The following CD38 variants were observed in gnomAD, a reference collection of about 807,000 sequenced individuals.
CD38 encodes the protein CD38 molecule, also known as ADP-ribosyl cyclase/cyclic ADP-ribose hydrolase 1.
CD38 carries 31 observed loss-of-function variants against 36.3 expected under a neutral mutation model. The ratio of observed to expected loss-of-function variants is 0.85; its 90% CI spans 0.64 to 1.15. The LOEUF (loss-of-function observed/expected upper bound fraction) is 1.15. Among genes scored for constraint, CD38 ranks in the 50% most tolerant of loss-of-function variants. CD38 has a pLI of 0.00. For missense variants in CD38, 380 were observed against 371.9 expected, an observed-to-expected ratio of 1.02 and a Z score of -0.18; for synonymous variants, 131 against 135.2, an observed-to-expected ratio of 0.97 and a Z score of 0.22.
rs554082109 is a variant in CD38, at chr4:15,835,593, G to T, written c.585+1291G>T. Reference sequence around the variant, plus strand: ...GAGTTTCACCATGTTGGCCAGGCTGGTCTCAAACTCCTGACCTCAGGTGAT... The same window carrying T: ...GAGTTTCACCATGTTGGCCAGGCTGTTCTCAAACTCCTGACCTCAGGTGAT... On this transcript the variant is annotated intron_variant, in intron 4 of 7. Coordinates refer to ENST00000226279, the MANE Select transcript of CD38 (RefSeq NM_001775.4). Among the ~76,000 whole-genome samples the T allele has an allele frequency of 2.7e-5, 4 of 150,906 alleles. No individual in the cohort carries two copies. The South Asian group carries it at 8.4e-4, about 32-fold the overall frequency.
chr4:15,795,747 A>G (rs192620243), intron 1 of CD38, among the ~76,000 whole-genome samples: 19 of 152,154 alleles, frequency 1.2e-4, no homozygotes, highest in Non-Finnish European at 2.4e-4. Context: ...TCAGTTGTCT[A>G]CTCCCTGCTA....
chr4:15,790,901 G>C (rs1187926136), intron 1 of CD38, among the ~76,000 whole-genome samples: 4 of 149,686 alleles, frequency 2.7e-5, no homozygotes, highest in Non-Finnish European at 5.9e-5. Flanking sequence ...GTCTCTGCCC[G>C]GCCGCCCCGT....
At position 15,791,051 on chromosome 4, in the gene CD38, G is replaced by A. The variant is rs866053682; in HGVS notation, c.233+12404G>A. 1.5e-4 allele frequency among the ~76,000 whole-genome samples: 21 copies of A among 137,670 alleles called. 1 individual carries two copies. The highest frequency in any genetic ancestry group is 3.9e-3 in the Middle Eastern group (1 of 258). 90.3% of individuals were successfully genotyped at this position (137,670 alleles called of 152,430 possible). A position where few individuals can be genotyped will look rare whatever the true frequency, so the allele number is the denominator to read the frequency against. On this transcript the variant is annotated intron_variant, in intron 1 of 7. Coordinates refer to ENST00000226279, the MANE Select transcript of CD38 (RefSeq NM_001775.4). The stretch of plus-strand genomic sequence containing the variant: ...CCCCGTCCGGGAGGGAGGTGGGGGG[G>A]GGTCAGCCCCCCGCCCGGCCAGCTG...
At position 15,807,220 on chromosome 4, in the gene CD38, C is replaced by T. The variant is rs1577644877; in HGVS notation, c.234-9291C>T. Among the ~76,000 whole-genome samples, 4 of 152,204 alleles carry T rather than the reference C, an allele frequency of 2.6e-5. No homozygotes were observed. The South Asian group carries it at 8.3e-4, about 32-fold the overall frequency. ...AAAGGTTCAAGGAGACTGGCTTTTC[C>T]TGGATGCTGCCAGGAAGTAGTGGGA... On this transcript the variant is annotated intron_variant, in intron 1 of 7. Transcript: ENST00000226279.
At position 15,851,961 on chromosome 4, in the gene CD38, T is replaced by G. The variant is rs1724395673; in HGVS notation, c.*3359T>G. On this transcript the variant is annotated 3_prime_UTR_variant, in exon 8 of 8. Transcript: ENST00000226279. ...GTAAATGTTTGTGTATCTAAACATA[T>G]CTAAACATAGAAAAGGTACAGTAAA... 1 of 151,978 alleles carries G rather than the reference T, an allele frequency of 6.6e-6. No individual in the cohort carries two copies. The highest frequency in any genetic ancestry group is 1.5e-5 in the Non-Finnish European group (1 of 68,034). The allele number at this position is 151,978 out of a possible 1,614,324, so 9.4% of individuals were successfully genotyped here.
intron 1 of CD38, among the ~76,000 whole-genome samples, chr4:15,803,979 A>T (rs542540369): frequency 1.3e-5 from 2 of 152,270 alleles, no homozygotes; most frequent in African/African-American, 4.8e-5. Context: ...AAAATACATG[A>T]TTTCATTCTT....
intron 1 of CD38, among the ~76,000 whole-genome samples, chr4:15,790,195 C>CTCCACGGTCTCCT (rs1188143338): frequency 5.7e-5 from 8 of 140,314 alleles, no homozygotes; most frequent in East Asian, 2.3e-4. Flanking sequence ...CTCCCTCTCT[C>CTCCACGGTCTCCT]TCCACGGTCT....
At chr4:15,833,521 T>C (rs1266745025) in intron 3 of CD38, among the ~76,000 whole-genome samples, 1 of 152,236 alleles carries the variant, frequency 6.6e-6, no homozygotes, top group Non-Finnish European at 1.5e-5. Context: ...TTCTTTTTTA[T>C]TTGTGTGGTT....
chr4:15,794,558 T>G (rs938836244), intron 1 of CD38, among the ~76,000 whole-genome samples: 1 of 152,182 alleles, frequency 6.6e-6, no homozygotes, highest in Non-Finnish European at 1.5e-5. Flanking sequence ...GATTGGAAAT[T>G]GACCAATGGA....
intron 1 of CD38, among the ~76,000 whole-genome samples, chr4:15,805,102 G>A (rs181121710): frequency 1.1e-4 from 16 of 152,102 alleles, no homozygotes; most frequent in South Asian, 1.0e-3. Context: ...TTATTGACTC[G>A]TAGGAAGCTT....
In CD38 at chr4:15,780,534, A is replaced by ACACACACACACACACACG. The variant is rs1722671825; in HGVS notation, c.233+1904_233+1905insGCACACACACACACACAC. ...TTCTCTCTCTCACACACACACACAC[A>ACACACACACACACACACG]CACACACACACACACACACACACAC... On this transcript the variant is annotated intron_variant, in intron 1 of 7. Coordinates refer to ENST00000226279, the MANE Select transcript of CD38 (RefSeq NM_001775.4). Among the ~76,000 whole-genome samples the ACACACACACACACACACG allele has an allele frequency of 2.9e-4, 42 of 144,270 alleles. 1 individual carries two copies. The highest frequency in any genetic ancestry group is 9.4e-4 in the African/African-American group (35 of 37,140). The allele number at this position is 144,270 out of a possible 152,430, so 94.6% of individuals were successfully genotyped here.
intron 3 of CD38, among the ~76,000 whole-genome samples, chr4:15,830,962 CCTTT>C (rs1453353070): frequency 6.6e-6 from 1 of 151,970 alleles, no homozygotes; most frequent in Non-Finnish European, 1.5e-5. Flanking sequence ...TTCTTTCTTT[CCTTT>C]CTGTCTTCCT....
chr4:15,817,340 G>T (rs777416364), intron 2 of CD38, among the ~76,000 whole-genome samples: 2 of 152,216 alleles, frequency 1.3e-5, no homozygotes, highest in Non-Finnish European at 2.9e-5. Flanking sequence ...AAAATTCCAT[G>T]TGCCTAAAAT....
chr4:15,781,181 C>G (rs1722688412), intron 1 of CD38, among the ~76,000 whole-genome samples: 1 of 152,196 alleles, frequency 6.6e-6, no homozygotes, highest in African/African-American at 2.4e-5. Flanking sequence ...CCTATAAGAT[C>G]ATTAGGTATA....
intron 2 of CD38, chr4:15,816,841 AAG>A: frequency 1.7e-6 from 1 of 572,732 alleles, no homozygotes; most frequent in Non-Finnish European, 3.1e-6. Flanking sequence ...GAAGGGAGCT[AAG>A]AGAGAGAAAT....
intron 1 of CD38, among the ~76,000 whole-genome samples, chr4:15,786,544 G>A (rs995726679): frequency 6.6e-6 from 1 of 151,782 alleles, no homozygotes; most frequent in Non-Finnish European, 1.5e-5. Context: ...CTAGACACAG[G>A]GTGCTGATTG....
chr4:15,797,165 G>T (rs1354793173), intron 1 of CD38, among the ~76,000 whole-genome samples: 1 of 152,150 alleles, frequency 6.6e-6, no homozygotes, highest in African/African-American at 2.4e-5. Flanking sequence ...CGTTACCTCA[G>T]TTTAATCTTT....
chr4:15,782,624 G>T (rs1387576914), intron 1 of CD38, among the ~76,000 whole-genome samples: 3 of 152,146 alleles, frequency 2.0e-5, no homozygotes, highest in Non-Finnish European at 4.4e-5. Flanking sequence ...CATAAACAAA[G>T]TTGTAATAAA....
At chr4:15,802,874 T>A (rs1723260308) in intron 1 of CD38, among the ~76,000 whole-genome samples, 1 of 152,156 alleles carries the variant, frequency 6.6e-6, no homozygotes, top group Non-Finnish European at 1.5e-5. Flanking sequence ...CAAAAAGAAC[T>A]GGAGGGATCA....
Sources: gnomAD v4.1 joint callset for allele counts (sites outside exome capture counted in the v4.1 genomes callset) on GRCh38, gnomAD v4.1.1 for gene constraint, MANE v1.5 for transcripts, NCBI Gene and HGNC (gene_info 2026-07-23, HGNC 2026-07-21) for gene names.